DTD1: variants seen among roughly 807,000 people sequenced by gnomAD.
The protein encoded by DTD1 is D-tyrosyl-tRNA deacylase 1 homolog.
A neutral mutation model predicts 25.6 loss-of-function variants in DTD1; 13 were observed. The observed-to-expected ratio is 0.51, with a 90% CI of 0.33 to 0.81. The LOEUF is 0.81. Among genes scored for constraint, DTD1 ranks in the 30% least tolerant of loss-of-function variants. DTD1 has a pLI of 0.02. For synonymous variants in DTD1, 110 were observed against 103.6 expected, an observed-to-expected ratio of 1.06 and a Z score of -0.37; for missense variants, 193 against 266.4, an observed-to-expected ratio of 0.72 and a Z score of 1.92.
At chr20:18,742,005 C>T (rs74957945) in intron 4 of DTD1, among the ~76,000 whole-genome samples, 1,760 of 151,578 alleles carry the variant, frequency 0.012, 30 homozygotes, top group African/African-American at 0.039. Flanking sequence ...CCTAAAGTGC[C>T]GCTATTGCAG....
At chr20:18,629,573 G>C (rs2060775168) in intron 4 of DTD1, among the ~76,000 whole-genome samples, 1 of 152,084 alleles carries the variant, frequency 6.6e-6, no homozygotes, top group Non-Finnish European at 1.5e-5. Flanking sequence ...AAAGTGCTGA[G>C]ATTACAGGCA....
chr20:18,624,026 TGGGGGTGCCCTGTCA>T (rs1212245546), intron 3 of DTD1, among the ~76,000 whole-genome samples: 2 of 151,970 alleles, frequency 1.3e-5, no homozygotes, highest in Non-Finnish European at 2.9e-5. Flanking sequence ...ACTCTGGCCA[TGGGGGTGCCCTGTCA>T]GGGAAGGAAG....
intron 4 of DTD1, among the ~76,000 whole-genome samples, chr20:18,679,357 T>C (rs1253468361): frequency 6.6e-6 from 1 of 152,236 alleles, no homozygotes. Context: ...CCCACCTTAT[T>C]ATAGTCTGAG....
intron 5 of DTD1, among the ~76,000 whole-genome samples, chr20:18,752,162 G>C (rs2061323540): frequency 6.6e-6 from 1 of 151,970 alleles, no homozygotes; most frequent in South Asian, 2.1e-4. Flanking sequence ...ACGTGCCTAG[G>C]TGTGGTTCTT....
chr20:18,700,976 A>G (rs559657537), intron 4 of DTD1, among the ~76,000 whole-genome samples: 6 of 152,354 alleles, frequency 3.9e-5, no homozygotes, highest in African/African-American at 1.4e-4. Flanking sequence ...CTGTTTTCCC[A>G]TAGTGTTTTT....
chr20:18,631,692 T>C lies in DTD1; in HGVS notation c.477+3459T>C, dbSNP rs368615497. 3.0e-6 allele frequency: 3 copies of C among 985,354 alleles called. No individual in the cohort carries two copies. The African/African-American group carries it at 5.2e-5, about 17-fold the overall frequency. 61.0% of individuals were successfully genotyped at this position (985,354 alleles called of 1,614,324 possible). A position where few individuals can be genotyped will look rare whatever the true frequency, so the allele number is the denominator to read the frequency against. ...CCCCTGGAAATGGCTGGAGCCTTGT[T>C]TCCCAGGACGTCATTCTCTCTGGGT... On this transcript the variant is annotated intron_variant, in intron 4 of 5. Coordinates refer to ENST00000377452, the MANE Select transcript of DTD1 (RefSeq NM_080820.6).
intron 4 of DTD1, among the ~76,000 whole-genome samples, chr20:18,727,846 T>C (rs1303756390): frequency 6.6e-6 from 1 of 152,242 alleles, no homozygotes; most frequent in Non-Finnish European, 1.5e-5. Flanking sequence ...CTTATTTCCA[T>C]GTAATCTTCC....
At chr20:18,651,765 C>T (rs1281033081) in intron 4 of DTD1, among the ~76,000 whole-genome samples, 17 of 152,098 alleles carry the variant, frequency 1.1e-4, no homozygotes, top group African/African-American at 2.7e-4. Context: ...GATTGAGAAC[C>T]GTGGTTTTAG....
At chr20:18,641,513 A>AT (rs2060828052) in intron 4 of DTD1, among the ~76,000 whole-genome samples, 1 of 151,732 alleles carries the variant, frequency 6.6e-6, no homozygotes, top group Non-Finnish European at 1.5e-5. Flanking sequence ...GCTGTTTTGT[A>AT]TGTGTGTTTG....
chr20:18,596,156 A>G lies in DTD1; in HGVS notation c.285A>G (p.Leu95=). The part of the protein sequence containing the change: ...VLKGNKPDFH[L]AMPTEQAEGF... ...AGGGAAACAAGCCTGATTTCCACCT[A>G]GCAATGCCCACGGAGCAGGCAGAGG... Residue 95 remains leucine, a synonymous_variant, in exon 3 of 6, where the codon CTA becomes CTG. Transcript: ENST00000377452. 6.2e-7 allele frequency: 1 copy of G among 1,614,192 alleles called. No homozygotes were observed. The highest frequency in any genetic ancestry group is 8.5e-7 in the Non-Finnish European group (1 of 1,180,026).
intron 5 of DTD1, among the ~76,000 whole-genome samples, chr20:18,754,788 A>G (rs1056478320): frequency 1.2e-4 from 18 of 152,230 alleles, no homozygotes; most frequent in African/African-American, 4.1e-4. Flanking sequence ...AAGTGAGACT[A>G]GAAATAGAGA....
chr20:18,743,882 G>C (rs1276790279), intron 4 of DTD1, among the ~76,000 whole-genome samples: 1 of 152,136 alleles, frequency 6.6e-6, no homozygotes. Context: ...AAAAGTCTGA[G>C]AGTGATTACT....
At chr20:18,664,285 G>A (rs1471970393) in intron 4 of DTD1, among the ~76,000 whole-genome samples, 3 of 152,076 alleles carry the variant, frequency 2.0e-5, no homozygotes, top group Non-Finnish European at 4.4e-5. Flanking sequence ...TTTTTACTGT[G>A]CATTCTTATT....
At chr20:18,618,224 C>G (rs777363187) in intron 3 of DTD1, among the ~76,000 whole-genome samples, 4 of 152,180 alleles carry the variant, frequency 2.6e-5, no homozygotes, top group Non-Finnish European at 4.4e-5. Flanking sequence ...TAGAATTTCA[C>G]CCATCTGATA....
intron 5 of DTD1, among the ~76,000 whole-genome samples, chr20:18,758,934 A>G (rs1251526679): frequency 6.6e-6 from 1 of 152,104 alleles, no homozygotes; most frequent in Non-Finnish European, 1.5e-5. Flanking sequence ...TTGGGTGCAT[A>G]TATATTTAGG....
chr20:18,760,676 G>A (rs1454009784), intron 5 of DTD1, among the ~76,000 whole-genome samples: 1 of 152,206 alleles, frequency 6.6e-6, no homozygotes, highest in Non-Finnish European at 1.5e-5. Flanking sequence ...AGGCTACTCA[G>A]GGGTCAGGGA....
At chr20:18,755,703 C>T (rs1437471748) in intron 5 of DTD1, among the ~76,000 whole-genome samples, 1 of 152,224 alleles carries the variant, frequency 6.6e-6, no homozygotes, top group East Asian at 1.9e-4. Context: ...CAAGTCTTTA[C>T]TATTGTGAAT....
intron 5 of DTD1, among the ~76,000 whole-genome samples, chr20:18,762,667 TTAATGTCTG>T (rs1461376818): frequency 6.6e-6 from 1 of 152,354 alleles, no homozygotes; most frequent in East Asian, 1.9e-4. Context: ...TTTTATCTTT[TTAATGTCTG>T]TAATGTCTGT....
intron 4 of DTD1, among the ~76,000 whole-genome samples, chr20:18,707,585 C>T (rs902704878): frequency 3.3e-5 from 5 of 152,130 alleles, no homozygotes. Flanking sequence ...GGGTGAGTGG[C>T]TCTTTTCAAG....
Sources: allele counts gnomAD v4.1 joint callset (sites outside exome capture counted in the v4.1 genomes callset), GRCh38; gene constraint gnomAD v4.1.1; transcripts MANE v1.5; gene names NCBI Gene and HGNC (gene_info 2026-07-23, HGNC 2026-07-21).